Variants in PRKD1 observed in about 807,000 individuals in gnomAD.
PRKD1 encodes the protein serine/threonine-protein kinase D1.
PRKD1 carries 63 observed loss-of-function variants against 95.9 expected under a neutral mutation model. The observed-to-expected ratio is 0.66, with a 90% CI of 0.54 to 0.81. The LOEUF is 0.81. Ranked by LOEUF, PRKD1 falls within the 30% of genes least tolerant of loss-of-function variation. The pLI, the probability that PRKD1 is intolerant of heterozygous loss-of-function variation, is 0.00. For missense variants in PRKD1, 1,048 were observed against 1,165.3 expected (o/e 0.90, Z 1.47); for synonymous variants, 425 against 423.1 (o/e 1.00, Z -0.05).
In PRKD1 at chr14:29,576,872, C is replaced by T. The variant is rs1892572171; in HGVS notation, c.*366G>A. ...TTACAATGACAACACCAATGGGACA[C>T]ACCAAACAGAACTACTTCACAGATA... On this transcript the variant is annotated 3_prime_UTR_variant, in exon 18 of 18. Transcript: ENST00000331968. The T allele has an allele frequency of 3.6e-6, 1 of 279,430 alleles. No individual in the cohort carries two copies. 17.3% of individuals were successfully genotyped at this position (279,430 alleles called of 1,614,324 possible).
intron 2 of PRKD1, among the ~76,000 whole-genome samples, chr14:29,685,478 T>C (rs745734522): frequency 4.6e-5 from 7 of 152,224 alleles, no homozygotes; most frequent in Non-Finnish European, 7.3e-5. Context: ...GGGAAGCTGA[T>C]CTTCAAAACT....
At chr14:29,600,707 A>G (rs1893485236) in intron 13 of PRKD1, among the ~76,000 whole-genome samples, 1 of 152,168 alleles carries the variant, frequency 6.6e-6, no homozygotes, top group African/African-American at 2.4e-5. Context: ...ATACCAAGGG[A>G]CTGCTGTCTT....
intron 1 of PRKD1, among the ~76,000 whole-genome samples, chr14:29,848,502 A>G (rs955255631): frequency 2.6e-5 from 4 of 152,150 alleles, no homozygotes; most frequent in Non-Finnish European, 4.4e-5. Flanking sequence ...AGGAACTTGA[A>G]AAGACCTTAA....
intron 13 of PRKD1, among the ~76,000 whole-genome samples, chr14:29,620,853 G>GC (rs1194450936): frequency 1.3e-5 from 2 of 151,688 alleles, no homozygotes; most frequent in Non-Finnish European, 2.9e-5. Flanking sequence ...TATAAATCAT[G>GC]CTGCTATAAA....
At chr14:29,641,754 A>T (rs928840268) in intron 4 of PRKD1, among the ~76,000 whole-genome samples, 1 of 152,228 alleles carries the variant, frequency 6.6e-6, no homozygotes, top group Admixed American at 6.5e-5. Context: ...TTGTTGATAC[A>T]TAACAGATTA....
intron 1 of PRKD1, among the ~76,000 whole-genome samples, chr14:29,915,293 G>A (rs934474856): frequency 9.2e-5 from 14 of 152,214 alleles, no homozygotes; most frequent in African/African-American, 3.4e-4. Flanking sequence ...AAATGTCCAG[G>A]TGGGTAAGGA....
At chr14:29,676,237 T>C (rs1883210657) in intron 2 of PRKD1, among the ~76,000 whole-genome samples, 1 of 143,324 alleles carries the variant, frequency 7.0e-6, no homozygotes, top group Non-Finnish European at 1.5e-5. Flanking sequence ...AAGATTCCAC[T>C]GCTCATCCAT....
At chr14:29,923,217 G>A (rs1895183258) in intron 1 of PRKD1, among the ~76,000 whole-genome samples, 1 of 134,386 alleles carries the variant, frequency 7.4e-6, no homozygotes, top group Admixed American at 7.5e-5. Context: ...GCAAGAGAGT[G>A]AGATTCTGTC....
At chr14:29,668,697 T>C (rs1882666302) in intron 2 of PRKD1, among the ~76,000 whole-genome samples, 1 of 152,180 alleles carries the variant, frequency 6.6e-6, no homozygotes, top group Non-Finnish European at 1.5e-5. Flanking sequence ...GAGGTCAAAA[T>C]TATTTGCATA....
intron 1 of PRKD1, among the ~76,000 whole-genome samples, chr14:29,906,932 G>T (rs1894515840): frequency 6.6e-6 from 1 of 152,128 alleles, no homozygotes. Flanking sequence ...TATTTTGTTT[G>T]TCAGGCTTTT....
intron 13 of PRKD1, 43 bp from the exon 14 acceptor site, chr14:29,599,860 G>C: frequency 6.4e-7 from 1 of 1,560,048 alleles, no homozygotes; most frequent in African/African-American, 1.4e-5. Flanking sequence ...TGAGTTTTTT[G>C]ATACTGTTTG....
intron 1 of PRKD1, among the ~76,000 whole-genome samples, chr14:29,758,232 T>C (rs1214032015): frequency 6.7e-6 from 1 of 148,514 alleles, no homozygotes; most frequent in Non-Finnish European, 1.5e-5. Context: ...GTGTGCATTG[T>C]GGAAGAAAAA....
chr14:29,601,231 A>G (rs951845288), intron 13 of PRKD1, among the ~76,000 whole-genome samples: 1 of 152,170 alleles, frequency 6.6e-6, no homozygotes. Flanking sequence ...ACCCATTTGC[A>G]AGGAAAGCCT....
intron 8 of PRKD1, among the ~76,000 whole-genome samples, chr14:29,633,665 C>G (rs1445460890): frequency 6.6e-6 from 1 of 152,136 alleles, no homozygotes; most frequent in African/African-American, 2.4e-5. Flanking sequence ...TCCTCCACAA[C>G]CAATTTTAGG....
chr14:29,653,396 G>A (rs1454245020), intron 4 of PRKD1, among the ~76,000 whole-genome samples: 1 of 152,004 alleles, frequency 6.6e-6, no homozygotes, highest in Non-Finnish European at 1.5e-5. Context: ...AGCTAAATTA[G>A]TAGATACCTC....
Position 29,695,097 on chromosome 14 carries a change from G to C in PRKD1, c.404-28889C>G, listed in dbSNP as rs1425386901. ...AAAATACAAAAAATTAGCCAGGCAT[G>C]GTGGTGGGTGCCTGTAATCCCAGCT... On this transcript the variant is annotated intron_variant, in intron 2 of 17. Coordinates refer to ENST00000331968, the MANE Select transcript of PRKD1 (RefSeq NM_002742.3). Among the ~76,000 whole-genome samples, 14 of 152,152 alleles carry C rather than the reference G, an allele frequency of 9.2e-5. No individual in the cohort carries two copies. The East Asian group carries it at 2.7e-3, about 30-fold the overall frequency.
At chr14:29,629,280 TG>T (rs1329406329) in intron 10 of PRKD1, among the ~76,000 whole-genome samples, 187 bp from the exon 11 acceptor site, 2 of 152,238 alleles carry the variant, frequency 1.3e-5, no homozygotes, top group Admixed American at 6.5e-5. Context: ...TCAACATACT[TG>T]TTTTTGAAAA....
intron 1 of PRKD1, among the ~76,000 whole-genome samples, chr14:29,831,371 G>T (rs2139295271): frequency 6.6e-6 from 1 of 151,938 alleles, no homozygotes; most frequent in South Asian, 2.1e-4. Context: ...ACAGTTTAAG[G>T]TCACAGTTAA....
chr14:29,655,608 A>G (rs1273270046), intron 4 of PRKD1, among the ~76,000 whole-genome samples: 1 of 152,202 alleles, frequency 6.6e-6, no homozygotes, highest in Non-Finnish European at 1.5e-5. Context: ...CAAGAAGAGC[A>G]TTGTTGGATG....
Sources: allele counts gnomAD v4.1 joint callset (sites outside exome capture counted in the v4.1 genomes callset), GRCh38; gene constraint gnomAD v4.1.1; transcripts MANE v1.5; gene names NCBI Gene and HGNC (gene_info 2026-07-23, HGNC 2026-07-21).